Variants in ZNF432 observed in about 807,000 individuals in gnomAD.
ZNF432 encodes the protein zinc finger protein 432.
Under a neutral mutation model 13.9 loss-of-function variants are expected in ZNF432, and 10 were observed. That is an observed-to-expected ratio of 0.72 (90% confidence interval 0.44 to 1.22). The LOEUF (loss-of-function observed/expected upper bound fraction) is 1.22. Ranked by LOEUF, ZNF432 falls within the 50% of genes most tolerant of loss-of-function variation. The pLI is 0.00. For missense variants in ZNF432, 793 were observed against 796.2 expected (o/e 1.00, Z 0.05); for synonymous variants, 247 against 256.2 (o/e 0.96, Z 0.34).
intron 1 of ZNF432, chr19:52,047,289 T>A (rs1471634231): frequency 5.3e-6 from 1 of 189,364 alleles, no homozygotes; most frequent in Non-Finnish European, 1.1e-5. Context: ...ATCAGTTTTT[T>A]AAATCAGGCC....
rs140973884 is a variant in ZNF432 at position 52,034,371 on chromosome 19, T to G, written c.1308A>C (p.Lys436Asn). 2.5e-5 allele frequency: 40 copies of G among 1,613,990 alleles called. No homozygotes were observed. The African/African-American group carries it at 4.9e-4, about 20-fold the overall frequency. Residue 436 changes from lysine (K) to asparagine (N), a missense_variant, in exon 5 of 5, where the codon AAA becomes AAC. Lys to Asn is a moderately conservative substitution (Grantham distance 94, BLOSUM62 0). Coordinates refer to ENST00000221315, the MANE Select transcript of ZNF432 (RefSeq NM_014650.4). ...TGAGCATGCTTTTCACAGTAAAACC[T>G]TTTCCACATTCACTACATAGATATG... is the stretch of plus-strand genomic sequence containing the variant. ...EKSYLCSECG[K>N]GFTVKSMLII... is the part of the protein sequence containing the mutation.
At chr19:52,046,007 C>CAAAAAAA (rs201110474) in intron 2 of ZNF432, among the ~76,000 whole-genome samples, 4 of 87,054 alleles carry the variant, frequency 4.6e-5, no homozygotes, top group Admixed American at 1.3e-4. Context: ...AAACAAAAAC[C>CAAAAAAA]AAAAAAAAAA....
intron 4 of ZNF432, among the ~76,000 whole-genome samples, chr19:52,037,995 TTTC>T (rs1168106229): frequency 6.6e-6 from 1 of 152,148 alleles, no homozygotes; most frequent in Admixed American, 6.5e-5. Flanking sequence ...TATTTAGCTG[TTTC>T]TTATTATTGC....
chr19:52,034,804 T>C lies in ZNF432; in HGVS notation c.875A>G (p.Asn292Ser), dbSNP rs761256469. ...GCCTGGGAAGCCTTTTCCACATTCA[T>C]TGCATATGTAGGGTTTCTCTCCAGT... is the stretch of plus-strand genomic sequence containing the variant. ...THTGEKPYICNECGKGFPGKR... is the reference protein window; with the variant it reads ...THTGEKPYICSECGKGFPGKR... Residue 292 changes from asparagine (N) to serine (S), a missense_variant, in exon 5 of 5, where the codon AAT becomes AGT. Asn to Ser is a conservative substitution (Grantham distance 46). Transcript: ENST00000221315. The C allele has an allele frequency of 6.2e-6, 10 of 1,608,752 alleles. No individual in the cohort carries two copies. The highest frequency in any genetic ancestry group is 2.2e-5 in the East Asian group (1 of 44,552).
In ZNF432 at chr19:52,040,500, G is replaced by C; in HGVS notation, c.226C>G (p.Arg76Gly). 1 of 1,613,992 alleles carries C rather than the reference G, an allele frequency of 6.2e-7. No homozygotes were observed. Among genetic ancestry groups the C allele is most frequent in the Non-Finnish European group, 8.5e-7 (1 of 1,179,940 alleles). ...PWTMEDERHS[R>G]ICPENNEVDD... ...GCTTCTCACATACCTGGACAGATTC[G>C]ACTGTGCCTTTCATCTTCCATTGTC... Residue 76 changes from arginine to glycine, a missense_variant, in exon 4 of 5, where the codon CGA (arginine) becomes GGA (glycine). Arg to Gly is a moderately radical substitution (Grantham distance 125, BLOSUM62 -2). Coordinates refer to ENST00000221315, the MANE Select transcript of ZNF432 (RefSeq NM_014650.4).
chr19:52,040,568 T>C lies in ZNF432; in HGVS notation c.158A>G (p.Lys53Arg). ...TTCCAACTTGGAGAGTGCATCTGGT[T>C]TGCTGACTTGATAACCTGTTTACGG... ...NLLSMGYQVS[K>R]PDALSKLERG... Residue 53 changes from lysine (K) to arginine (R), a missense_variant, in exon 4 of 5, where the codon AAA becomes AGA. Transcript: ENST00000221315. 6.2e-7 allele frequency: 1 copy of C among 1,614,130 alleles called. No homozygotes were observed. Among genetic ancestry groups the C allele is most frequent in the Non-Finnish European group, 8.5e-7 (1 of 1,179,982 alleles).
chr19:52,039,134 G>C (rs551641232), intron 4 of ZNF432, among the ~76,000 whole-genome samples: 2 of 152,356 alleles, frequency 1.3e-5, no homozygotes, highest in Admixed American at 6.5e-5. Context: ...GCTGGGAAGA[G>C]ATGTAACATC....
rs1322222702 is a variant in ZNF432 at position 52,034,813 on chromosome 19, T to C, written c.866A>G (p.Tyr289Cys). The change falls in exon 5 of 5, where the codon TAC (tyrosine) becomes TGC (cysteine). Residue 289 changes from tyrosine to cysteine, a missense_variant. By Grantham distance (194) the Tyr-to-Cys change is radical. Coordinates refer to ENST00000221315, the MANE Select transcript of ZNF432 (RefSeq NM_014650.4). ...HQRTHTGEKP[Y>C]ICNECGKGFP... ...GCCTTTTCCACATTCATTGCATATGTAGGGTTTCTCTCCAGTATGAGTTCG... is the reference window on the plus strand; with the variant it reads ...GCCTTTTCCACATTCATTGCATATGCAGGGTTTCTCTCCAGTATGAGTTCG... 19 of 1,612,986 alleles carry C rather than the reference T, an allele frequency of 1.2e-5. No individual in the cohort carries two copies. The highest frequency in any genetic ancestry group is 1.4e-5 in the Non-Finnish European group (17 of 1,179,540).
At chr19:52,048,182 C>CACAAAAAAAA (rs1482172095) in intron 1 of ZNF432, among the ~76,000 whole-genome samples, 6 of 146,212 alleles carry the variant, frequency 4.1e-5, no homozygotes, top group African/African-American at 1.6e-4. Flanking sequence ...CACACACACA[C>CACAAAAAAAA]AAAACCAGCC....
intron 2 of ZNF432, among the ~76,000 whole-genome samples, chr19:52,045,925 G>A (rs1355590742): frequency 6.7e-6 from 1 of 150,186 alleles, no homozygotes; most frequent in East Asian, 2.0e-4. Flanking sequence ...AACCCAGGAC[G>A]TGGAGGTTGC....
chr19:52,038,409 C>A (rs1201769116), intron 4 of ZNF432, among the ~76,000 whole-genome samples: 1 of 152,220 alleles, frequency 6.6e-6, no homozygotes, highest in African/African-American at 2.4e-5. Flanking sequence ...CCTGCCTCAG[C>A]CTTCCTGAGT....
chr19:52,032,650 G>C lies in ZNF432; in HGVS notation c.*1070C>G, dbSNP rs2087026489. The C allele has an allele frequency of 1.3e-5, 2 of 151,950 alleles. No homozygotes were observed. The highest frequency in any genetic ancestry group is 2.9e-5 in the Non-Finnish European group (2 of 67,998). 9.4% of individuals were successfully genotyped at this position (151,950 alleles called of 1,614,324 possible). Reference sequence around the variant, plus strand: ...GGGGCTTCACCATGTTGGTCAGGCTGGTCTCGAACTCCCGACCTCAAGTGA... The same window carrying C: ...GGGGCTTCACCATGTTGGTCAGGCTCGTCTCGAACTCCCGACCTCAAGTGA... On this transcript the variant is annotated 3_prime_UTR_variant, in exon 5 of 5. Coordinates refer to ENST00000221315, the MANE Select transcript of ZNF432 (RefSeq NM_014650.4).
chr19:52,034,598 T>C lies in ZNF432; in HGVS notation c.1081A>G (p.Ile361Val), dbSNP rs2087054422. Residue 361 changes from isoleucine to valine, a missense_variant, in exon 5 of 5, where the codon ATC becomes GTC. Transcript: ENST00000221315. ...GKGFTTKHYV[I>V]IHQRNHTGEK... ...CCTGTATGATTTCGTTGATGTATGATGACATAGTGTTTTGTGGTGAAGCCT... is the reference window on the plus strand; with the variant it reads ...CCTGTATGATTTCGTTGATGTATGACGACATAGTGTTTTGTGGTGAAGCCT... 1 of 1,613,698 alleles carries C rather than the reference T, an allele frequency of 6.2e-7. No individual in the cohort carries two copies. Among genetic ancestry groups the C allele is most frequent in the East Asian group, 2.2e-5 (1 of 44,850 alleles).
Position 52,033,779 on chromosome 19 carries a change from A to C in ZNF432, c.1900T>G (p.Phe634Val), listed in dbSNP as rs781514754. 9 of 1,607,602 alleles carry C rather than the reference A, an allele frequency of 5.6e-6. No homozygotes were observed. In the South Asian group the frequency reaches 6.7e-5, roughly 12 times the overall value. ...ACAATGAGATTTCTCTTTGAGGAGA[A>C]GGCTTTTCTACATTCACTGCATACA... ...PFVCSECRKA[F>V]SSKRNLIVHQ... is the part of the protein sequence containing the mutation. The change falls in exon 5 of 5, where the codon TTC becomes GTC. Residue 634 changes from phenylalanine to valine, a missense_variant. Physicochemically the swap from Phe to Val is conservative, Grantham distance 50. Coordinates refer to ENST00000221315, the MANE Select transcript of ZNF432 (RefSeq NM_014650.4).
chr19:52,040,428 C>T, intron 4 of ZNF432, 60 bp downstream of exon 4: 1 of 1,453,896 alleles, frequency 6.9e-7, no homozygotes, highest in African/African-American at 1.4e-5. Flanking sequence ...CTCAGACACC[C>T]ACAGAGCCTT....
rs945149339 is a variant in ZNF432 at position 52,033,370 on chromosome 19, T to G, written c.*350A>C. 4.9e-6 allele frequency: 1 copy of G among 205,650 alleles called. No individual in the cohort carries two copies. Among genetic ancestry groups the G allele is most frequent in the African/African-American group, 2.3e-5 (1 of 43,018 alleles). The allele number at this position is 205,650 out of a possible 1,614,324, so 12.7% of individuals were successfully genotyped here. ...GGTTTTCTCTCTGCATGAATTTGTT[T>G]GTATGTAATCAGTTCAGATTCTCTG... On this transcript the variant is annotated 3_prime_UTR_variant, in exon 5 of 5. Coordinates refer to ENST00000221315, the MANE Select transcript of ZNF432 (RefSeq NM_014650.4).
At chr19:52,048,391 C>G (rs1197856231) in intron 1 of ZNF432, 1 of 152,292 alleles carries the variant, frequency 6.6e-6, no homozygotes, top group East Asian at 1.9e-4. Flanking sequence ...CCCATCGATT[C>G]TCAATCACTG....
rs762780478 is a variant in ZNF432 at position 52,034,508 on chromosome 19, G to A, written c.1171C>T (p.His391Tyr). The change falls in exon 5 of 5, where the codon CAT becomes TAT. Residue 391 changes from histidine to tyrosine, a missense_variant. Coordinates refer to ENST00000221315, the MANE Select transcript of ZNF432 (RefSeq NM_014650.4). Reference protein sequence around the residue: ...GFTMKSRMIEHQRTHTGEKPY... With the variant: ...GFTMKSRMIEYQRTHTGEKPY... ...TTCTCTCCTGTATGAGTTCGTTGAT[G>A]TTCGATCATACGGCTCTTCATGGTG... 4.3e-6 allele frequency: 7 copies of A among 1,613,980 alleles called. No homozygotes were observed. In the East Asian group the frequency reaches 1.6e-4, roughly 36 times the overall value.
rs2087044340 is a variant in ZNF432, at chr19:52,034,121, T to G, written c.1558A>C (p.Lys520Gln). 6.2e-7 allele frequency: 1 copy of G among 1,614,148 alleles called. No individual in the cohort carries two copies. The highest frequency in any genetic ancestry group is 8.5e-7 in the Non-Finnish European group (1 of 1,179,986). Residue 520 changes from lysine (K) to glutamine (Q), a missense_variant, in exon 5 of 5, where the codon AAA (lysine) becomes CAA (glutamine). By Grantham distance (53) the Lys-to-Gln change is moderately conservative. Transcript: ENST00000221315. ...EKPYICNECGKGFAFKSNLVV... is the reference protein window; with the variant it reads ...EKPYICNECGQGFAFKSNLVV... ...AGATTGCTCTTAAAGGCAAAACCTT[T>G]TCCACATTCATTGCATATGTACGGT... is the stretch of plus-strand genomic sequence containing the variant.
Sources: allele counts gnomAD v4.1 joint callset (sites outside exome capture counted in the v4.1 genomes callset), GRCh38; gene constraint gnomAD v4.1.1; transcripts MANE v1.5; gene names NCBI Gene and HGNC (gene_info 2026-07-23, HGNC 2026-07-21).